TRNAU1AP: variants seen among roughly 807,000 people sequenced by gnomAD.
TRNAU1AP encodes the protein tRNA selenocysteine 1-associated protein 1.
Under a neutral mutation model 43.3 loss-of-function variants are expected in TRNAU1AP, and 33 were observed. That is an observed-to-expected ratio of 0.76 (90% CI 0.58 to 1.02). TRNAU1AP has a LOEUF of 1.02. Ranked by LOEUF, TRNAU1AP falls within the 50% of genes least tolerant of loss-of-function variation. TRNAU1AP has a pLI of 0.00. For missense variants in TRNAU1AP, 290 were observed against 362.7 expected, an observed-to-expected ratio of 0.80 and a Z score of 1.63; for synonymous variants, 143 against 129.1, an observed-to-expected ratio of 1.11 and a Z score of -0.73.
rs1570263490 is a variant in TRNAU1AP at position 28,577,722 on chromosome 1, G to C, written c.*86G>C. On this transcript the variant is annotated 3_prime_UTR_variant, in exon 9 of 9. Coordinates refer to ENST00000373830, the MANE Select transcript of TRNAU1AP (RefSeq NM_017846.5). The stretch of plus-strand genomic sequence containing the variant: ...AATTGTGAAACCTTTTTGGAAATAT[G>C]ATTTGTAAGATTTTAATAATGACTG... 7.3e-6 allele frequency: 10 copies of C among 1,370,120 alleles called. No individual in the cohort carries two copies. Among genetic ancestry groups the C allele is most frequent in the Non-Finnish European group, 1.0e-5 (10 of 1,000,824 alleles). The allele number at this position is 1,370,120 out of a possible 1,614,324, so 84.9% of individuals were successfully genotyped here.
chr1:28,561,352 C>G lies in TRNAU1AP; in HGVS notation c.232C>G (p.Arg78Gly). Residue 78 changes from arginine to glycine, a missense_variant, in exon 4 of 9, where the codon CGT becomes GGT. Physicochemically the swap from Arg to Gly is moderately radical, Grantham distance 125. Around this residue, in one of 3 missense-constraint regions of TRNAU1AP, gnomAD observed 174 missense variants for 262.1 expected, o/e 0.66. Transcript: ENST00000373830. ...KPLPGATPAKRFKLNYATYGK... is the reference protein window; with the variant it reads ...KPLPGATPAKGFKLNYATYGK... ...TTTGTTTTTCAACTTCCAGGCGAAACGTTTTAAACTGAACTATGCCACTTA... is the reference window on the plus strand; with the variant it reads ...TTTGTTTTTCAACTTCCAGGCGAAAGGTTTTAAACTGAACTATGCCACTTA... The G allele has an allele frequency of 1.2e-6, 2 of 1,614,114 alleles. No homozygotes were observed. Among genetic ancestry groups the G allele is most frequent in the Non-Finnish European group, 1.7e-6 (2 of 1,180,006 alleles).
intron 8 of TRNAU1AP, among the ~76,000 whole-genome samples, chr1:28,573,400 G>C (rs1038969839): frequency 6.6e-6 from 1 of 151,604 alleles, no homozygotes; most frequent in African/African-American, 2.4e-5. Flanking sequence ...CAGCCCTTTG[G>C]GAGGCCAAGG....
chr1:28,566,879 GA>G (rs1392257649), intron 5 of TRNAU1AP, among the ~76,000 whole-genome samples: 2 of 152,248 alleles, frequency 1.3e-5, no homozygotes, highest in East Asian at 3.8e-4. Context: ...AGGAGAGCAG[GA>G]ACGTTGTCTT....
intron 4 of TRNAU1AP, among the ~76,000 whole-genome samples, chr1:28,563,036 C>G (rs904370460): frequency 4.6e-5 from 7 of 151,652 alleles, no homozygotes; most frequent in South Asian, 4.2e-4. Context: ...GCTGGGATTA[C>G]AGGCACCTGC....
At chr1:28,558,817 G>A (rs1411882320) in intron 2 of TRNAU1AP, among the ~76,000 whole-genome samples, 4 of 151,862 alleles carry the variant, frequency 2.6e-5, no homozygotes, top group Non-Finnish European at 4.4e-5. Flanking sequence ...CGCCCGCCTC[G>A]GCCTCCCAAA....
chr1:28,556,309 C>T (rs1324321512), intron 2 of TRNAU1AP, among the ~76,000 whole-genome samples: 1 of 151,558 alleles, frequency 6.6e-6, no homozygotes. Context: ...TAAAAAAATA[C>T]AAAAATTAGC....
intron 6 of TRNAU1AP, 97 bp downstream of exon 6, chr1:28,567,510 G>A: frequency 7.3e-7 from 1 of 1,375,686 alleles, no homozygotes; most frequent in South Asian, 1.5e-5. Context: ...CTGGATGGGA[G>A]GCTGAAGGGG....
chr1:28,554,334 A>T (rs1186321003), intron 2 of TRNAU1AP, among the ~76,000 whole-genome samples: 1 of 152,140 alleles, frequency 6.6e-6, no homozygotes, highest in Non-Finnish European at 1.5e-5. Flanking sequence ...AAATGGAAAT[A>T]ACAGCACCTA....
intron 2 of TRNAU1AP, among the ~76,000 whole-genome samples, chr1:28,558,215 A>ATTTTTTTT (rs1187371829): frequency 9.0e-6 from 1 of 110,584 alleles, no homozygotes. Flanking sequence ...TAATTTTTGT[A>ATTTTTTTT]TTTTTTTTTT....
chr1:28,556,029 A>C (rs1665255015), intron 2 of TRNAU1AP, among the ~76,000 whole-genome samples: 1 of 151,756 alleles, frequency 6.6e-6, no homozygotes, highest in South Asian at 2.1e-4. Flanking sequence ...AATTTTTTGT[A>C]TTTTTAGTAG....
In TRNAU1AP at chr1:28,571,287, C is replaced by G; in HGVS notation, c.642C>G (p.Gly214=). The part of the protein sequence containing the change: ...YAQWGYDQNT[G]SYSYSYPQYG... Reference sequence around the variant, plus strand: ...AGTGGGGCTATGACCAGAACACAGGCAGCTACAGCTACAGTTACCCCCAGT... The same window carrying G: ...AGTGGGGCTATGACCAGAACACAGGGAGCTACAGCTACAGTTACCCCCAGT... The change falls in exon 7 of 9, where the codon GGC becomes GGG. Residue 214 remains glycine (G), a synonymous_variant. Transcript: ENST00000373830. The G allele has an allele frequency of 6.2e-7, 1 of 1,614,000 alleles. No homozygotes were observed. The highest frequency in any genetic ancestry group is 8.5e-7 in the Non-Finnish European group (1 of 1,179,934).
chr1:28,568,858 C>A (rs558965550), intron 6 of TRNAU1AP, among the ~76,000 whole-genome samples: 1 of 149,900 alleles, frequency 6.7e-6, no homozygotes, highest in Admixed American at 6.7e-5. Flanking sequence ...TTTGCCCATG[C>A]TGGAATGCAG....
intron 6 of TRNAU1AP, 118 bp from the exon 7 acceptor site, chr1:28,571,058 C>T (rs1292096274): frequency 1.0e-6 from 1 of 972,472 alleles, no homozygotes; most frequent in African/African-American, 1.6e-5. Flanking sequence ...GAGCAAGACT[C>T]TGTCTCAAGA....
chr1:28,554,023 C>T (rs1353925752), intron 2 of TRNAU1AP: 5 of 246,280 alleles, frequency 2.0e-5, no homozygotes, highest in Admixed American at 1.4e-4. Context: ...CATGGTGAAA[C>T]CCCGTCTCTA....
At chr1:28,568,096 G>A (rs1033184552) in intron 6 of TRNAU1AP, among the ~76,000 whole-genome samples, 5 of 152,140 alleles carry the variant, frequency 3.3e-5, no homozygotes, top group African/African-American at 7.2e-5. Flanking sequence ...CCTGGGTGGC[G>A]GAGGTTGCAG....
chr1:28,553,529 C>T (rs755025050), intron 1 of TRNAU1AP, 111 bp from the exon 2 acceptor site: 10 of 1,026,136 alleles, frequency 9.7e-6, no homozygotes, highest in African/African-American at 3.2e-5. Flanking sequence ...CCTCGCCCCT[C>T]GCTCCCCCAG....
At chr1:28,575,217 C>A (rs1352346182) in intron 8 of TRNAU1AP, among the ~76,000 whole-genome samples, 1 of 152,072 alleles carries the variant, frequency 6.6e-6, no homozygotes, top group Non-Finnish European at 1.5e-5. Flanking sequence ...TTCAGTGGCA[C>A]GATCTCGACC....
At chr1:28,573,190 C>T (rs368505321) in intron 8 of TRNAU1AP, among the ~76,000 whole-genome samples, 1 of 150,202 alleles carries the variant, frequency 6.7e-6, no homozygotes, top group Admixed American at 6.6e-5. Context: ...CATGCCACCA[C>T]GCCCAGCTAA....
intron 4 of TRNAU1AP, among the ~76,000 whole-genome samples, chr1:28,562,604 G>A (rs1283427592): frequency 1.3e-4 from 20 of 149,880 alleles, no homozygotes; most frequent in Admixed American, 7.3e-4. Flanking sequence ...TTTTGGAGAC[G>A]GAGTCTCACT....
Sources: allele counts gnomAD v4.1 joint callset (sites outside exome capture counted in the v4.1 genomes callset), GRCh38; gene constraint gnomAD v4.1.1; regional missense constraint gnomAD v4.1.1; transcripts MANE v1.5; gene names NCBI Gene and HGNC (gene_info 2026-07-23, HGNC 2026-07-21).